The following LRRC72 variants were observed in gnomAD, a reference collection of about 807,000 sequenced individuals.
LRRC72 encodes the protein leucine rich repeat containing 72.
A neutral mutation model predicts 35.8 loss-of-function variants in LRRC72; 41 were observed. The observed-to-expected ratio is 1.15, with a 90% CI of 0.89 to 1.49. The LOEUF is 1.49. Ranked by LOEUF, LRRC72 falls within the 40% of genes most tolerant of loss-of-function variation. LRRC72 has a pLI of 0.00. For synonymous variants in LRRC72, 118 were observed against 119.2 expected (o/e 0.99, Z 0.07); for missense variants, 389 against 330.7 (o/e 1.18, Z -1.37).
At chr7:16,549,079 T>G (rs994866802) in intron 3 of LRRC72, among the ~76,000 whole-genome samples, 1 of 152,196 alleles carries the variant, frequency 6.6e-6, no homozygotes, top group Non-Finnish European at 1.5e-5. Context: ...AACTCTAATA[T>G]TTTCTCATAA....
At chr7:16,528,826 G>T (rs936429694) in intron 1 of LRRC72, among the ~76,000 whole-genome samples, 5 of 152,094 alleles carry the variant, frequency 3.3e-5, no homozygotes, top group African/African-American at 1.2e-4. Context: ...CCAATAGTTA[G>T]TTCTGTGCTT....
intron 2 of LRRC72, among the ~76,000 whole-genome samples, chr7:16,536,650 A>G (rs1279532120): frequency 2.0e-5 from 3 of 152,168 alleles, no homozygotes; most frequent in Non-Finnish European, 4.4e-5. Context: ...AAGTTGGCAA[A>G]AAAAAGGTTT....
At chr7:16,581,242 T>C (rs1004005607) in intron 8 of LRRC72, 82 bp from the exon 9 acceptor site, 43 of 1,231,788 alleles carry the variant, frequency 3.5e-5, no homozygotes, top group Middle Eastern at 5.2e-4. Context: ...ATGGCATTGA[T>C]TCATTTGAAT....
intron 3 of LRRC72, 61 bp from the exon 4 acceptor site, chr7:16,557,299 T>C (rs1782666514): frequency 2.2e-6 from 1 of 452,690 alleles, no homozygotes; most frequent in Non-Finnish European, 3.6e-6. Context: ...AGGTTATTTA[T>C]ATTGATGTAA....
chr7:16,554,547 G>T (rs748051625), intron 3 of LRRC72, among the ~76,000 whole-genome samples: 2 of 151,914 alleles, frequency 1.3e-5, no homozygotes, highest in African/African-American at 2.4e-5. Flanking sequence ...TTAGGGAAAC[G>T]CCCTCCTTAT....
chr7:16,538,996 T>C (rs1782311052), intron 3 of LRRC72, among the ~76,000 whole-genome samples: 1 of 152,182 alleles, frequency 6.6e-6, no homozygotes, highest in South Asian at 2.1e-4. Context: ...GAATTGGCAC[T>C]GGCAGAGTGG....
chr7:16,527,067 C>A, intron 1 of LRRC72, 25 bp downstream of exon 1: 1 of 1,530,108 alleles, frequency 6.5e-7, no homozygotes, highest in East Asian at 2.4e-5. Flanking sequence ...CCTTCCCAAG[C>A]CATCAGCCCC....
chr7:16,547,149 T>C (rs1050651925), intron 3 of LRRC72, among the ~76,000 whole-genome samples: 1 of 152,052 alleles, frequency 6.6e-6, no homozygotes, highest in African/African-American at 2.4e-5. Context: ...GAACCTGTGA[T>C]TACCCAGCTG....
At position 16,567,693 on chromosome 7, in the gene LRRC72, T is replaced by G. The variant is rs1782873383; in HGVS notation, c.670+150T>G. ...ATAATTTCTAATATATTTGCTAACC[T>G]TATAATACTTTTAGTCCAGTTAAAG... On this transcript the variant is annotated intron_variant, in intron 7 of 8. Transcript: ENST00000401542. 2.8e-5 allele frequency: 21 copies of G among 746,532 alleles called. No individual in the cohort carries two copies. In the East Asian group the frequency reaches 6.2e-4, roughly 22 times the overall value. The allele number at this position is 746,532 out of a possible 1,614,324, so 46.2% of individuals were successfully genotyped here.
At chr7:16,552,252 G>A (rs1479955738) in intron 3 of LRRC72, among the ~76,000 whole-genome samples, 1 of 152,168 alleles carries the variant, frequency 6.6e-6, no homozygotes, top group Non-Finnish European at 1.5e-5. Context: ...ATTCAGGGAT[G>A]TTAAAATCAA....
chr7:16,558,893 G>T lies in LRRC72; in HGVS notation c.321G>T (p.Leu107=). The change falls in exon 5 of 9, where the codon CTG becomes CTT. Residue 107 remains leucine, a synonymous_variant. Coordinates refer to ENST00000401542, the MANE Select transcript of LRRC72 (RefSeq NM_001195280.2). ...NNNAIFEIEG[L]HYLPSLHILL... is the part of the protein sequence containing the mutation. ...AAAATATTCTGTTTTTTTTAGGTCT[G>T]CATTATTTGCCTTCATTGCATATAC... The T allele has an allele frequency of 6.9e-7, 1 of 1,442,508 alleles. No individual in the cohort carries two copies. Among genetic ancestry groups the T allele is most frequent in the East Asian group, 2.7e-5 (1 of 37,032 alleles). 89.4% of individuals were successfully genotyped at this position (1,442,508 alleles called of 1,614,324 possible).
chr7:16,534,325 CA>C (rs1782216682), intron 2 of LRRC72, among the ~76,000 whole-genome samples: 1 of 152,122 alleles, frequency 6.6e-6, no homozygotes, highest in East Asian at 1.9e-4. Context: ...TGTAACAGCC[CA>C]TTATTGATTT....
intron 3 of LRRC72, among the ~76,000 whole-genome samples, chr7:16,547,255 A>G (rs549758098): frequency 5.9e-5 from 9 of 152,234 alleles, no homozygotes; most frequent in African/African-American, 1.7e-4. Context: ...AGCTGCTGCA[A>G]TGGGGCCAGG....
intron 1 of LRRC72, among the ~76,000 whole-genome samples, chr7:16,531,238 G>A (rs539703825): frequency 1.3e-5 from 2 of 151,748 alleles, no homozygotes; most frequent in African/African-American, 4.8e-5. Flanking sequence ...AGATGACAAT[G>A]TCTAAGCCTG....
intron 8 of LRRC72, among the ~76,000 whole-genome samples, chr7:16,580,469 C>T (rs1055552226): frequency 3.9e-5 from 6 of 152,076 alleles, no homozygotes; most frequent in African/African-American, 1.4e-4. Context: ...ATGGTGAAAA[C>T]CTGCCTCTAC....
chr7:16,534,958 G>A (rs181670656), intron 2 of LRRC72, among the ~76,000 whole-genome samples: 1 of 152,334 alleles, frequency 6.6e-6, no homozygotes, highest in East Asian at 1.9e-4. Context: ...AACACGTTGA[G>A]AGGCTGAGAC....
chr7:16,551,798 C>T (rs1782554120), intron 3 of LRRC72, among the ~76,000 whole-genome samples: 1 of 151,812 alleles, frequency 6.6e-6, no homozygotes, highest in Non-Finnish European at 1.5e-5. Context: ...GAAAGTGTTT[C>T]ACTGAGGTCT....
chr7:16,533,499 C>T (rs1782203155), intron 2 of LRRC72, among the ~76,000 whole-genome samples: 1 of 151,930 alleles, frequency 6.6e-6, no homozygotes, highest in African/African-American at 2.4e-5. Context: ...TTTTTAATGC[C>T]TCTGAATTCT....
intron 7 of LRRC72, among the ~76,000 whole-genome samples, chr7:16,569,727 A>C (rs1483159279): frequency 2.0e-5 from 3 of 151,914 alleles, no homozygotes; most frequent in Non-Finnish European, 4.4e-5. Context: ...AAGGGAAGGA[A>C]GCTTTTTATT....
Sources: gnomAD v4.1 joint callset for allele counts (sites outside exome capture counted in the v4.1 genomes callset) on GRCh38, gnomAD v4.1.1 for gene constraint, MANE v1.5 for transcripts, NCBI Gene and HGNC (gene_info 2026-07-23, HGNC 2026-07-21) for gene names.